CREB3L4: variants seen among roughly 807,000 people sequenced by gnomAD.
The protein encoded by CREB3L4 is cAMP responsive element binding protein 3 like 4.
Under a neutral mutation model 37.0 loss-of-function variants are expected in CREB3L4, and 28 were observed. The observed-to-expected ratio is 0.76, with a 90% CI of 0.56 to 1.04. The LOEUF is 1.04. Ranked by LOEUF, CREB3L4 falls within the 50% of genes least tolerant of loss-of-function variation. The pLI, the probability that CREB3L4 is intolerant of heterozygous loss-of-function variation, is 0.00. For synonymous variants in CREB3L4, 175 were observed against 192.2 expected (o/e 0.91, Z 0.74); for missense variants, 462 against 486.0 (o/e 0.95, Z 0.46).
Position 153,973,585 on chromosome 1 carries a change from T to C in CREB3L4, c.898-35T>C, listed in dbSNP as rs780007047. 6.3e-6 allele frequency: 10 copies of C among 1,588,826 alleles called. No individual in the cohort carries two copies. In the East Asian group the frequency reaches 2.0e-4, roughly 32 times the overall value. ...GCTGGCCTCCGTTCACTCTACCCCCTGCTCCCTTCATCTGTTCCTCTTGCT... is the reference window on the plus strand; with the variant it reads ...GCTGGCCTCCGTTCACTCTACCCCCCGCTCCCTTCATCTGTTCCTCTTGCT... On this transcript the variant is annotated intron_variant, in intron 8 of 9. Transcript: ENST00000368607.
At chr1:153,968,269 A>G in intron 1 of CREB3L4, 105 bp downstream of exon 1, 1 of 363,062 alleles carries the variant, frequency 2.8e-6, no homozygotes, top group Non-Finnish European at 5.1e-6. Flanking sequence ...GGGGAGGTCA[A>G]CGGGCTATGC....
chr1:153,972,394 A>T (rs1459823418), intron 4 of CREB3L4, among the ~76,000 whole-genome samples: 2 of 152,194 alleles, frequency 1.3e-5, no homozygotes, highest in African/African-American at 4.8e-5. Context: ...GCTGTAAGGA[A>T]ATTATGCAAA....
At chr1:153,971,194 C>T (rs1213174801) in intron 4 of CREB3L4, among the ~76,000 whole-genome samples, 1 of 150,768 alleles carries the variant, frequency 6.6e-6, no homozygotes, top group African/African-American at 2.4e-5. Flanking sequence ...ATGGTGAAAC[C>T]CCATCTCTAC....
intron 8 of CREB3L4, 40 bp from the exon 9 acceptor site, chr1:153,973,580 C>T (rs752859916): frequency 3.8e-6 from 6 of 1,582,108 alleles, no homozygotes; most frequent in South Asian, 2.2e-5. Context: ...GTTCACTCTA[C>T]CCCCTGCTCC....
Position 153,973,981 on chromosome 1 carries a change from A to G in CREB3L4, c.1104A>G (p.Ser368=). ...CTGGAGCCAAGGATGCAAATGGCTC[A>G]ACAAGGACACTGCTTGAGAAGATGG... is the stretch of plus-strand genomic sequence containing the variant. ...EPPGAKDANG[S]TRTLLEKMGG... is the part of the protein sequence containing the mutation. Residue 368 remains serine (S), a synonymous_variant, in exon 10 of 10, where the codon TCA becomes TCG. Transcript: ENST00000368607. 6.2e-7 allele frequency: 1 copy of G among 1,614,214 alleles called. No homozygotes were observed. Among genetic ancestry groups the G allele is most frequent in the Non-Finnish European group, 8.5e-7 (1 of 1,180,024 alleles).
chr1:153,969,563 C>T lies in CREB3L4; in HGVS notation c.543+108C>T, dbSNP rs150547308. The stretch of plus-strand genomic sequence containing the variant: ...AACTGATGATGAACTGCCTTTGCCC[C>T]GGTTTTTGTGGCATTGGGCCTGAAG... On this transcript the variant is annotated intron_variant, in intron 4 of 9. Coordinates refer to ENST00000368607, the MANE Select transcript of CREB3L4 (RefSeq NM_001255978.2). The T allele has an allele frequency of 4.2e-4, 580 of 1,371,704 alleles. 1 individual carries two copies. In the African/African-American group the frequency reaches 7.1e-3, roughly 17 times the overall value. The allele number at this position is 1,371,704 out of a possible 1,614,324, so 85.0% of individuals were successfully genotyped here. A position where few individuals can be genotyped will look rare whatever the true frequency, so the allele number is the denominator to read the frequency against.
At chr1:153,972,857 G>A (rs1648519618) in intron 5 of CREB3L4, 21 bp downstream of exon 5, 2 of 1,609,550 alleles carry the variant, frequency 1.2e-6, no homozygotes, top group Middle Eastern at 1.6e-4. Flanking sequence ...TCCCCTAAGG[G>A]TATCCCAACC....
intron 8 of CREB3L4, 41 bp from the exon 9 acceptor site, chr1:153,973,579 A>AC: frequency 6.3e-7 from 1 of 1,581,858 alleles, no homozygotes; most frequent in Non-Finnish European, 8.7e-7. Context: ...CGTTCACTCT[A>AC]CCCCCTGCTC....
chr1:153,973,412 C>T lies in CREB3L4; in HGVS notation c.845C>T (p.Thr282Met), dbSNP rs375271812. ...GTAGCTCAGCTCCGCCAGCTGCAGA[C>T]GCTAATTGCTCAAACTTCCAACAAA... is the stretch of plus-strand genomic sequence containing the variant. ...SLVAQLRQLQTLIAQTSNKAA... is the reference protein window; with the variant it reads ...SLVAQLRQLQMLIAQTSNKAA... Residue 282 changes from threonine to methionine, a missense_variant, in exon 8 of 10, where the codon ACG (threonine) becomes ATG (methionine). By Grantham distance (81) the Thr-to-Met change is moderately conservative. Transcript: ENST00000368607. The T allele has an allele frequency of 7.1e-5, 114 of 1,614,016 alleles. No homozygotes were observed. Among genetic ancestry groups the T allele is most frequent in the African/African-American group, 2.1e-4 (16 of 74,910 alleles).
chr1:153,968,780 G>C, intron 2 of CREB3L4, 81 bp downstream of exon 2: 1 of 1,576,342 alleles, frequency 6.3e-7, no homozygotes, highest in Non-Finnish European at 8.7e-7. Flanking sequence ...TTGGAGACAG[G>C]TCTGAAAACA....
chr1:153,968,551 T>C lies in CREB3L4; in HGVS notation c.26T>C (p.Leu9Pro), dbSNP rs771580433. 2 of 1,613,970 alleles carry C rather than the reference T, an allele frequency of 1.2e-6. No individual in the cohort carries two copies. The highest frequency in any genetic ancestry group is 1.7e-6 in the Non-Finnish European group (2 of 1,179,934). ...ATGGATCTCGGAATCCCTGACCTGCTGGACGCGTGGCTGGAGCCCCCAGAG... is the reference window on the plus strand; with the variant it reads ...ATGGATCTCGGAATCCCTGACCTGCCGGACGCGTGGCTGGAGCCCCCAGAG... The part of the protein sequence containing the change: MDLGIPDL[L>P]DAWLEPPEDI... The change falls in exon 2 of 10, where the codon CTG becomes CCG. Residue 9 changes from leucine to proline, a missense_variant. Transcript: ENST00000368607.
At position 153,973,675 on chromosome 1, in the gene CREB3L4, G is replaced by A. The variant is rs150386964; in HGVS notation, c.953G>A (p.Ser318Asn). 2.5e-6 allele frequency: 4 copies of A among 1,609,580 alleles called. No homozygotes were observed. The highest frequency in any genetic ancestry group is 2.7e-5 in the African/African-American group (2 of 74,810). ...IILPSFSPFQ[S>N]RPEAGSEDYQ... ...CTGCCCAGCTTCAGTCCATTCCAGAGTCGACCAGAAGCTGGGTCTGAGGAT... is the reference window on the plus strand; with the variant it reads ...CTGCCCAGCTTCAGTCCATTCCAGAATCGACCAGAAGCTGGGTCTGAGGAT... Residue 318 changes from serine (S) to asparagine (N), a missense_variant, in exon 9 of 10, where the codon AGT (serine) becomes AAT (asparagine). By Grantham distance (46) the Ser-to-Asn change is conservative. Transcript: ENST00000368607.
chr1:153,968,596 C>T lies in CREB3L4; in HGVS notation c.71C>T (p.Ser24Phe). ...EPPEDIFSTG[S>F]VLELGLHCPP... ...CCAGAGGATATCTTCTCGACAGGAT[C>T]CGTCCTGGAGCTGGGACTCCACTGC... Residue 24 changes from serine (S) to phenylalanine (F), a missense_variant, in exon 2 of 10, where the codon TCC (serine) becomes TTC (phenylalanine). Coordinates refer to ENST00000368607, the MANE Select transcript of CREB3L4 (RefSeq NM_001255978.2). The T allele has an allele frequency of 1.2e-6, 2 of 1,614,132 alleles. No individual in the cohort carries two copies. The highest frequency in any genetic ancestry group is 8.5e-7 in the Non-Finnish European group (1 of 1,180,020).
chr1:153,971,803 T>G (rs1248275243), intron 4 of CREB3L4, among the ~76,000 whole-genome samples: 4 of 152,056 alleles, frequency 2.6e-5, no homozygotes, highest in Non-Finnish European at 5.9e-5. Context: ...AAATTCTCTG[T>G]AAGTCACAAA....
rs1394654528 is a variant in CREB3L4, at chr1:153,973,674, A to G, written c.952A>G (p.Ser318Gly). ...CCTGCCCAGCTTCAGTCCATTCCAG[A>G]GTCGACCAGAAGCTGGGTCTGAGGA... is the stretch of plus-strand genomic sequence containing the variant. ...IILPSFSPFQ[S>G]RPEAGSEDYQ... The change falls in exon 9 of 10, where the codon AGT becomes GGT. Residue 318 changes from serine to glycine, a missense_variant. Physicochemically the swap from Ser to Gly is moderately conservative, Grantham distance 56. Coordinates refer to ENST00000368607, the MANE Select transcript of CREB3L4 (RefSeq NM_001255978.2). The G allele has an allele frequency of 6.2e-7, 1 of 1,609,570 alleles. No homozygotes were observed. The highest frequency in any genetic ancestry group is 1.7e-5 in the Admixed American group (1 of 59,378).
chr1:153,972,122 CACAT>C (rs1427967665), intron 4 of CREB3L4, among the ~76,000 whole-genome samples: 1 of 152,184 alleles, frequency 6.6e-6, no homozygotes, highest in Non-Finnish European at 1.5e-5. Context: ...TGTGCCCGGC[CACAT>C]ACATCTTTCA....
chr1:153,972,966 T>C lies in CREB3L4; in HGVS notation c.637-6T>C. 6.2e-7 allele frequency: 1 copy of C among 1,613,870 alleles called. No homozygotes were observed. Among genetic ancestry groups the C allele is most frequent in the Non-Finnish European group, 8.5e-7 (1 of 1,179,778 alleles). ...ACCCAGGACTCACACATCCTGGGCC[T>C]CCAAGGCAGAGGAGAGGGTCCTCAA... On this transcript the variant is annotated splice_polypyrimidine_tract_variant and splice_region_variant and intron_variant, in intron 5 of 9. Transcript: ENST00000368607.
At chr1:153,967,548 T>G (rs1647879216), upstream of CREB3L4, 1 of 152,092 alleles carries the variant, frequency 6.6e-6, no homozygotes, top group Admixed American at 6.6e-5. Context: ...CTGCTCGCGG[T>G]GCTGAGGCGG....
intron 4 of CREB3L4, 169 bp downstream of exon 4, chr1:153,969,624 T>G (rs2102161583): frequency 2.8e-6 from 2 of 716,176 alleles, no homozygotes; most frequent in Non-Finnish European, 4.5e-6. Flanking sequence ...TATTTTTTAT[T>G]TTTTGAGCCA....
Sources: allele counts gnomAD v4.1 joint callset (sites outside exome capture counted in the v4.1 genomes callset), GRCh38; gene constraint gnomAD v4.1.1; transcripts MANE v1.5; gene names NCBI Gene and HGNC (gene_info 2026-07-23, HGNC 2026-07-21).